Variants in PIK3C2B observed in about 807,000 individuals in gnomAD.
The protein encoded by PIK3C2B is phosphatidylinositol-4-phosphate 3-kinase catalytic subunit type 2 beta.
A neutral mutation model predicts 184.3 loss-of-function variants in PIK3C2B; 83 were observed. The ratio of observed to expected loss-of-function variants is 0.45; its 90% CI spans 0.38 to 0.54. The LOEUF is 0.54. Ranked by LOEUF, PIK3C2B falls within the 20% of genes least tolerant of loss-of-function variation. The pLI is 0.00. For synonymous variants in PIK3C2B, 779 were observed against 837.6 expected, an observed-to-expected ratio of 0.93 and a Z score of 1.21; for missense variants, 1,736 against 2,113.5, an observed-to-expected ratio of 0.82 and a Z score of 3.50.
At chr1:204,437,831 G>A (rs114419171) in intron 23 of PIK3C2B, among the ~76,000 whole-genome samples, 1,760 of 152,272 alleles carry the variant, frequency 0.012, 47 homozygotes, top group African/African-American at 0.041. Context: ...TGCCTACACC[G>A]AGTTTGAGAC....
At chr1:204,434,776 C>T (rs1313339599) in intron 23 of PIK3C2B, among the ~76,000 whole-genome samples, 168 bp from the exon 24 acceptor site, 1 of 152,216 alleles carries the variant, frequency 6.6e-6, no homozygotes, top group Non-Finnish European at 1.5e-5. Flanking sequence ...CTAACTTACA[C>T]ACTTACACAC....
At position 204,447,086 on chromosome 1, in the gene PIK3C2B, T is replaced by G. The variant is rs1572324355; in HGVS notation, c.2489+350A>C. Reference sequence around the variant, plus strand: ...CTGTTGGTGTGGAAGGGGCAGGAGGTGAGAGCAAGAGGTGGGGGCAGGGTG... The same window carrying G: ...CTGTTGGTGTGGAAGGGGCAGGAGGGGAGAGCAAGAGGTGGGGGCAGGGTG... On this transcript the variant is annotated intron_variant, in intron 15 of 32. Transcript: ENST00000684373. The surrounding 1 kb of genome is among the most constrained non-coding windows in gnomAD (Gnocchi z 4.1). Among the ~76,000 whole-genome samples, 4 of 126,426 alleles carry G rather than the reference T, an allele frequency of 3.2e-5. No individual in the cohort carries two copies. The highest frequency in any genetic ancestry group is 8.8e-5 in the Admixed American group (1 of 11,370). 82.9% of individuals were successfully genotyped at this position (126,426 alleles called of 152,430 possible).
chr1:204,477,633 C>G (rs886469196), intron 1 of PIK3C2B, among the ~76,000 whole-genome samples: 20 of 152,148 alleles, frequency 1.3e-4, no homozygotes, highest in Non-Finnish European at 1.2e-4. Context: ...GAGGGAGGAG[C>G]CCAGGGGCCA....
At chr1:204,432,824 A>G (rs1442072109) in intron 26 of PIK3C2B, among the ~76,000 whole-genome samples, 1 of 152,176 alleles carries the variant, frequency 6.6e-6, no homozygotes, top group Non-Finnish European at 1.5e-5. Context: ...CTGAATTCCA[A>G]AAAGAGTGGA....
intron 23 of PIK3C2B, among the ~76,000 whole-genome samples, chr1:204,436,499 G>A (rs889968012): frequency 6.6e-6 from 1 of 152,008 alleles, no homozygotes; most frequent in African/African-American, 2.4e-5. Context: ...TTCCAGCCTG[G>A]GTGACAGAGT....
chr1:204,467,011 C>T (rs1309990932), intron 2 of PIK3C2B: 1 of 486,354 alleles, frequency 2.1e-6, no homozygotes, highest in Non-Finnish European at 4.2e-6. Flanking sequence ...CTGCAACAAG[C>T]TGAGCCGGGG....
At chr1:204,461,259 C>T (rs1295946277) in intron 5 of PIK3C2B, among the ~76,000 whole-genome samples, 1 of 152,224 alleles carries the variant, frequency 6.6e-6, no homozygotes, top group Non-Finnish European at 1.5e-5. Context: ...ATTTCTATGA[C>T]TTCTTGAAAA....
At chr1:204,490,890 C>A (rs1572413638) in intron 1 of PIK3C2B, among the ~76,000 whole-genome samples, 1 of 152,146 alleles carries the variant, frequency 6.6e-6, no homozygotes, top group African/African-American at 2.4e-5. Flanking sequence ...TCCTCCAAGT[C>A]CCAAACCTTC....
chr1:204,469,494 G>T lies in PIK3C2B; in HGVS notation c.309C>A (p.Pro103=), dbSNP rs926621921. 1.9e-6 allele frequency: 3 copies of T among 1,607,466 alleles called. No individual in the cohort carries two copies. The highest frequency in any genetic ancestry group is 2.5e-6 in the Non-Finnish European group (3 of 1,176,704). Reference sequence around the variant, plus strand: ...GTGGCCCTTGGGAGGTAGAGTGGTTGGGCGGCCCTTCCTGTGGGGAGAGTG... The same window carrying T: ...GTGGCCCTTGGGAGGTAGAGTGGTTTGGCGGCCCTTCCTGTGGGGAGAGTG... ...YNSLSPQEGP[P]NHSTSQGPQP... The change falls in exon 2 of 33, where the codon CCC becomes CCA. Residue 103 remains proline (P), a synonymous_variant. Coordinates refer to ENST00000684373, the MANE Select transcript of PIK3C2B (RefSeq NM_001377334.1).
intron 23 of PIK3C2B, among the ~76,000 whole-genome samples, chr1:204,436,005 A>G (rs1192344967): frequency 2.0e-5 from 3 of 152,198 alleles, no homozygotes; most frequent in African/African-American, 4.8e-5. Flanking sequence ...AATGAATCCT[A>G]TTTTGGCTGA....
intron 2 of PIK3C2B, among the ~76,000 whole-genome samples, chr1:204,467,866 G>A (rs1655945750): frequency 7.0e-6 from 1 of 142,338 alleles, no homozygotes; most frequent in Non-Finnish European, 1.5e-5. Context: ...CATCAGCCAT[G>A]GGGGTGTCAC....
At chr1:204,491,082 G>T (rs1657972263) in intron 1 of PIK3C2B, among the ~76,000 whole-genome samples, 1 of 152,106 alleles carries the variant, frequency 6.6e-6, no homozygotes, top group African/African-American at 2.4e-5. Context: ...GGCATTCAAG[G>T]AATCCATTAA....
intron 11 of PIK3C2B, among the ~76,000 whole-genome samples, chr1:204,455,378 C>T (rs1397987642): frequency 1.3e-5 from 2 of 152,120 alleles, no homozygotes; most frequent in Non-Finnish European, 2.9e-5. Context: ...TGCCTATTCC[C>T]TCAGGCCTTG....
intron 28 of PIK3C2B, among the ~76,000 whole-genome samples, chr1:204,430,529 A>G (rs537043015): frequency 1.3e-5 from 2 of 150,866 alleles, no homozygotes; most frequent in Admixed American, 6.6e-5. Context: ...TATTTTTAGT[A>G]GAGGGGGGTT....
chr1:204,444,455 C>A (rs1358429526), intron 16 of PIK3C2B, 31 bp from the exon 17 acceptor site: 1 of 1,556,082 alleles, frequency 6.4e-7, no homozygotes, highest in Non-Finnish European at 8.8e-7. Flanking sequence ...CCCTGACAAC[C>A]TAGCTGCAAG....
Position 204,449,937 on chromosome 1 carries a change from G to C in PIK3C2B, c.2147C>G (p.Pro716Arg), listed in dbSNP as rs932426504. The stretch of plus-strand genomic sequence containing the variant: ...ATTGGCCTCTGAGGAGCTCCCCGGT[G>C]GGGGGATGGGCAGAGCATAGAGAGT... ...CATLYALPIP[P>R]PGSSSEANKQ... is the part of the protein sequence containing the mutation. The change falls in exon 13 of 33, where the codon CCA becomes CGA. Residue 716 changes from proline (P) to arginine (R), a missense_variant. By Grantham distance (103) the Pro-to-Arg change is moderately radical. Transcript: ENST00000684373. 8.7e-6 allele frequency: 14 copies of C among 1,612,194 alleles called. No individual in the cohort carries two copies. Among genetic ancestry groups the C allele is most frequent in the East Asian group, 2.2e-5 (1 of 44,866 alleles).
intron 23 of PIK3C2B, chr1:204,435,909 T>G (rs189179357): frequency 2.0e-4 from 31 of 152,226 alleles, no homozygotes; most frequent in African/African-American, 7.5e-4. Context: ...TAAAAGCACT[T>G]AATAAGGAGC....
At chr1:204,490,795 C>T (rs948891413) in intron 1 of PIK3C2B, among the ~76,000 whole-genome samples, 2 of 151,864 alleles carry the variant, frequency 1.3e-5, no homozygotes, top group African/African-American at 4.8e-5. Flanking sequence ...AGAATAGTCC[C>T]TCAAGTTTCA....
At chr1:204,442,674 G>A in intron 19 of PIK3C2B, 41 bp from the exon 20 acceptor site, 2 of 1,352,374 alleles carry the variant, frequency 1.5e-6, no homozygotes, top group African/African-American at 2.9e-5. Flanking sequence ...TGAAATGGAG[G>A]GTCCATACTG....
Sources: gnomAD v4.1 joint callset for allele counts (sites outside exome capture counted in the v4.1 genomes callset) on GRCh38, gnomAD v4.1.1 for gene constraint, Gnocchi (gnomAD v3.1) non-coding constraint, MANE v1.5 for transcripts, NCBI Gene and HGNC (gene_info 2026-07-23, HGNC 2026-07-21) for gene names.